The following PIGG variants were observed in gnomAD, a reference collection of about 807,000 sequenced individuals.
The protein encoded by PIGG is GPI ethanolamine phosphate transferase 2, catalytic subunit.
In PIGG, 70 loss-of-function variants were observed where a neutral mutation model predicts 83.2. The ratio of observed to expected loss-of-function variants is 0.84; its 90% CI spans 0.69 to 1.03. The LOEUF is 1.03. Among genes scored for constraint, PIGG ranks in the 50% least tolerant of loss-of-function variants. The pLI, the probability that PIGG is intolerant of heterozygous loss-of-function variation, is 0.00. For synonymous variants in PIGG, 532 were observed against 519.5 expected (o/e 1.02, Z -0.33); for missense variants, 1,257 against 1,233.6 (o/e 1.02, Z -0.28).
intron 6 of PIGG, among the ~76,000 whole-genome samples, chr4:516,627 G>A (rs918091478): frequency 6.6e-6 from 1 of 152,152 alleles, no homozygotes; most frequent in African/African-American, 2.4e-5. Context: ...GGAGGCCAAG[G>A]CAGGCGGATC....
In PIGG at chr4:539,371, C is replaced by G; in HGVS notation, c.*2C>G. Reference sequence around the variant, plus strand: ...CAAACCAGACTCACACAGTCTTAGACTAAGCTGAACACTGGAAAAATAATA... The same window carrying G: ...CAAACCAGACTCACACAGTCTTAGAGTAAGCTGAACACTGGAAAAATAATA... On this transcript the variant is annotated 3_prime_UTR_variant, in exon 13 of 13. Coordinates refer to ENST00000453061, the MANE Select transcript of PIGG (RefSeq NM_001127178.3). 1 of 1,545,700 alleles carries G rather than the reference C, an allele frequency of 6.5e-7. No individual in the cohort carries two copies. Among genetic ancestry groups the G allele is most frequent in the Non-Finnish European group, 8.9e-7 (1 of 1,120,540 alleles).
At chr4:508,741 G>A (rs782687200) in intron 4 of PIGG, 88 bp from the exon 5 acceptor site, 16 of 1,216,732 alleles carry the variant, frequency 1.3e-5, no homozygotes, top group Admixed American at 1.2e-4. Flanking sequence ...ACTCTATAAA[G>A]TAAAGCTAAA....
chr4:513,786 C>G (rs1292763184), intron 5 of PIGG, among the ~76,000 whole-genome samples: 2 of 152,174 alleles, frequency 1.3e-5, no homozygotes, highest in Non-Finnish European at 2.9e-5. Context: ...CAGGCCTACC[C>G]TGTGTTTGTA....
rs868572113 is a variant in PIGG, at chr4:528,204, C to A, written c.2261+974C>A. 26 of 984,908 alleles carry A rather than the reference C, an allele frequency of 2.6e-5. No homozygotes were observed. Among genetic ancestry groups the A allele is most frequent in the African/African-American group, 1.9e-4 (11 of 57,202 alleles). The allele number at this position is 984,908 out of a possible 1,614,324, so 61.0% of individuals were successfully genotyped here. ...GAAGCATGTTGTGGAACAGGTATGA[C>A]CCCAGCTTACTAATTGTGTACCTGT... On this transcript the variant is annotated intron_variant, in intron 10 of 12. Coordinates refer to ENST00000453061, the MANE Select transcript of PIGG (RefSeq NM_001127178.3). The surrounding 1 kb of genome is among the most constrained non-coding windows in gnomAD (Gnocchi z 4.8).
Position 527,749 on chromosome 4 carries a change from C to G in PIGG, c.2261+519C>G, listed in dbSNP as rs1728056936. 4 of 985,350 alleles carry G rather than the reference C, an allele frequency of 4.1e-6. No homozygotes were observed. The South Asian group carries it at 1.9e-4, about 46-fold the overall frequency. 61.0% of individuals were successfully genotyped at this position (985,350 alleles called of 1,614,324 possible). A position where few individuals can be genotyped will look rare whatever the true frequency, so the allele number is the denominator to read the frequency against. On this transcript the variant is annotated intron_variant, in intron 10 of 12. Coordinates refer to ENST00000453061, the MANE Select transcript of PIGG (RefSeq NM_001127178.3). ...GAGCTCCTGTTGATTGGCGGGAGGG[C>G]TCAGTCAGGAGGACCATTTTATTTT...
At chr4:513,978 G>C (rs1723049574) in intron 5 of PIGG, among the ~76,000 whole-genome samples, 1 of 152,166 alleles carries the variant, frequency 6.6e-6, no homozygotes, top group Admixed American at 6.5e-5. Context: ...TGGTACCCCT[G>C]GCTGACCTTT....
chr4:527,150 G>T lies in PIGG; in HGVS notation c.2181G>T (p.Gly727=), dbSNP rs1364712543. The T allele has an allele frequency of 2.5e-6, 4 of 1,614,078 alleles. No individual in the cohort carries two copies. The highest frequency in any genetic ancestry group is 2.5e-6 in the Non-Finnish European group (3 of 1,180,000). ...SPVSKAALAL[G]LLGVYCYRAA... ...TGTCCAAGGCTGCCCTGGCGCTGGG[G>T]CTGCTGGGCGTCTACTGCTACCGGG... Residue 727 remains glycine (G), a synonymous_variant, in exon 10 of 13, where the codon GGG becomes GGT. Transcript: ENST00000453061.
chr4:535,821 C>T (rs78930359), intron 12 of PIGG, among the ~76,000 whole-genome samples: 3,760 of 152,296 alleles, frequency 0.025, 144 homozygotes, highest in African/African-American at 0.085. Context: ...CTCAGCTCCA[C>T]GCAGGTCCTC....
At chr4:506,664 G>C (rs2108795628) in intron 3 of PIGG, 1 of 411,836 alleles carries the variant, frequency 2.4e-6, no homozygotes, top group South Asian at 1.6e-5. Context: ...TAGTGGGAGG[G>C]AGATGAGCTA....
chr4:509,454 A>G (rs936894121), intron 5 of PIGG, among the ~76,000 whole-genome samples: 1 of 152,172 alleles, frequency 6.6e-6, no homozygotes, highest in Non-Finnish European at 1.5e-5. Context: ...GCCCAGACTC[A>G]GCCGCCAGCC....
chr4:511,314 AAAAG>A (rs1721869422), intron 5 of PIGG, among the ~76,000 whole-genome samples: 1 of 151,888 alleles, frequency 6.6e-6, no homozygotes, highest in South Asian at 2.1e-4. Flanking sequence ...AAAAAAAAAA[AAAAG>A]AAGACTTCAT....
At position 515,293 on chromosome 4, in the gene PIGG, GGATGGTGGCAGAGC is replaced by G. The variant is rs1210559828; in HGVS notation, c.902-679_902-666del. Among the ~76,000 whole-genome samples, 1 of 152,256 alleles carries G rather than the reference GGATGGTGGCAGAGC, an allele frequency of 6.6e-6. No homozygotes were observed. Among genetic ancestry groups the G allele is most frequent in the East Asian group, 1.9e-4 (1 of 5,196 alleles). On this transcript the variant is annotated intron_variant, in intron 5 of 12. Transcript: ENST00000453061. The surrounding 1 kb of genome is among the most constrained non-coding windows in gnomAD (Gnocchi z 4.2). ...TGAGTTTCTGCTCCGAAATCATAGTGGATGGTGGCAGAGCAGTGGCCTAGGCCCATGGTGCTGAC... is the reference window on the plus strand; with the variant it reads ...TGAGTTTCTGCTCCGAAATCATAGTGAGTGGCCTAGGCCCATGGTGCTGAC...
intron 2 of PIGG, among the ~76,000 whole-genome samples, chr4:500,926 A>C (rs1445934058): frequency 1.3e-5 from 2 of 152,224 alleles, no homozygotes; most frequent in African/African-American, 4.8e-5. Context: ...GTCATTTACA[A>C]TCTTAGAAGG....
chr4:499,388 T>C lies in PIGG; in HGVS notation c.53T>C (p.Leu18Pro). The C allele has an allele frequency of 6.2e-7, 1 of 1,610,282 alleles. No individual in the cohort carries two copies. The highest frequency in any genetic ancestry group is 8.5e-7 in the Non-Finnish European group (1 of 1,179,928). Residue 18 changes from leucine to proline, a missense_variant, in exon 1 of 13, where the codon CTA becomes CCA. Coordinates refer to ENST00000453061, the MANE Select transcript of PIGG (RefSeq NM_001127178.3). ...ACCTGTTGCGTAGCGATCGAGGTGC[T>C]AGGGATCGCGGTCTTCCTTCGGGGA... ...FATCCVAIEVLGIAVFLRGFF... is the reference protein window; with the variant it reads ...FATCCVAIEVPGIAVFLRGFF...
intron 2 of PIGG, chr4:501,133 C>T (rs556265865): frequency 2.2e-6 from 1 of 456,320 alleles, no homozygotes; most frequent in East Asian, 6.9e-5. Flanking sequence ...CTTTGAAGTA[C>T]ATAGTGCATT....
chr4:505,131 C>T (rs1719138269), intron 2 of PIGG, among the ~76,000 whole-genome samples: 2 of 152,148 alleles, frequency 1.3e-5, no homozygotes, highest in South Asian at 4.1e-4. Flanking sequence ...CCTCACTTTG[C>T]CGTTTGCTTC....
intron 6 of PIGG, among the ~76,000 whole-genome samples, chr4:517,512 G>A (rs575046967): frequency 6.6e-6 from 1 of 152,174 alleles, no homozygotes; most frequent in South Asian, 2.1e-4. Context: ...GGGTGTTGGT[G>A]TCCAGGAAGC....
At chr4:506,858 T>C (rs1489045740) in intron 3 of PIGG, 1 of 454,056 alleles carries the variant, frequency 2.2e-6, no homozygotes, top group East Asian at 7.0e-5. Context: ...CTGGTTACTT[T>C]AACGCTGGGT....
chr4:514,907 T>C (rs1315204942), intron 5 of PIGG, among the ~76,000 whole-genome samples: 1 of 152,208 alleles, frequency 6.6e-6, no homozygotes, highest in Non-Finnish European at 1.5e-5. Context: ...GTCTTTGTGT[T>C]TTATTTTTTG....
Sources: gnomAD v4.1 joint callset for allele counts (sites outside exome capture counted in the v4.1 genomes callset) on GRCh38, gnomAD v4.1.1 for gene constraint, Gnocchi (gnomAD v3.1) non-coding constraint, MANE v1.5 for transcripts, NCBI Gene and HGNC (gene_info 2026-07-23, HGNC 2026-07-21) for gene names.